The following LRRN2 variants were observed in gnomAD, a reference collection of about 807,000 sequenced individuals.
LRRN2 encodes leucine-rich repeat neuronal protein 2.
Under a neutral mutation model 35.7 loss-of-function variants are expected in LRRN2, and 10 were observed. The ratio of observed to expected loss-of-function variants is 0.28; its 90% confidence interval spans 0.17 to 0.47. LRRN2 has a LOEUF of 0.47. LRRN2 is among the 20% of genes least tolerant of loss of function. The pLI is 0.99. For missense variants in LRRN2, 731 were observed against 940.3 expected, an observed-to-expected ratio of 0.78 and a Z score of 2.91; for synonymous variants, 391 against 409.6, an observed-to-expected ratio of 0.95 and a Z score of 0.55.
chr1:204,666,381 T>G (rs1312830370), intron 1 of LRRN2, among the ~76,000 whole-genome samples: 2 of 152,258 alleles, frequency 1.3e-5, no homozygotes, highest in African/African-American at 4.8e-5. Context: ...TGCTAGGTGC[T>G]AAGTGAAGAG....
At chr1:204,674,107 C>G (rs1668770185) in intron 1 of LRRN2, among the ~76,000 whole-genome samples, 1 of 152,164 alleles carries the variant, frequency 6.6e-6, no homozygotes, top group African/African-American at 2.4e-5. Flanking sequence ...TCTGTCTGTC[C>G]ATCTGTCTCC....
chr1:204,625,940 G>A (rs775928687), intron 1 of LRRN2, among the ~76,000 whole-genome samples: 2 of 152,172 alleles, frequency 1.3e-5, no homozygotes, highest in Non-Finnish European at 2.9e-5. Context: ...TCATGGCCTG[G>A]GCCTGGGAGT....
intron 1 of LRRN2, among the ~76,000 whole-genome samples, chr1:204,658,725 A>G (rs1177601499): frequency 1.3e-5 from 2 of 152,078 alleles, no homozygotes; most frequent in Non-Finnish European, 2.9e-5. Flanking sequence ...CCTCTTTGGG[A>G]GCCTCTGGGT....
chr1:204,672,416 G>A (rs912036072), intron 1 of LRRN2, among the ~76,000 whole-genome samples: 1 of 152,182 alleles, frequency 6.6e-6, no homozygotes, highest in Non-Finnish European at 1.5e-5. Context: ...GGTGTGCTGA[G>A]ATCATGACCC....
chr1:204,645,982 TG>T (rs1378781837), intron 1 of LRRN2, among the ~76,000 whole-genome samples: 1 of 152,204 alleles, frequency 6.6e-6, no homozygotes, highest in Non-Finnish European at 1.5e-5. Context: ...CATATCACTA[TG>T]TTAGCACAGT....
intron 1 of LRRN2, among the ~76,000 whole-genome samples, chr1:204,630,439 A>G (rs1667659213): frequency 6.6e-6 from 1 of 152,174 alleles, no homozygotes; most frequent in East Asian, 1.9e-4. Flanking sequence ...AAAGGAAAAT[A>G]AAATCAGAAT....
At chr1:204,683,467 G>A (rs1461690088) in intron 1 of LRRN2, among the ~76,000 whole-genome samples, 2 of 151,946 alleles carry the variant, frequency 1.3e-5, no homozygotes, top group Non-Finnish European at 1.5e-5. Context: ...AGGAGGATGA[G>A]GGGGAGGAGG....
At chr1:204,630,622 G>A (rs1347030723) in intron 1 of LRRN2, among the ~76,000 whole-genome samples, 1 of 151,984 alleles carries the variant, frequency 6.6e-6, no homozygotes, top group Non-Finnish European at 1.5e-5. Context: ...GCCCGGGTTT[G>A]TCTTTCCTCC....
At chr1:204,631,997 G>A (rs1667716655) in intron 1 of LRRN2, among the ~76,000 whole-genome samples, 1 of 152,208 alleles carries the variant, frequency 6.6e-6, no homozygotes, top group South Asian at 2.1e-4. Context: ...GCCAAGGGAG[G>A]CTCATTTGAG....
chr1:204,683,426 AGAG>A (rs1668996261), intron 1 of LRRN2, among the ~76,000 whole-genome samples: 2 of 151,762 alleles, frequency 1.3e-5, no homozygotes, highest in South Asian at 4.2e-4. Context: ...GAAGAGTGTT[AGAG>A]GAGGAAAGTG....
In LRRN2 at chr1:204,631,155, T is replaced by G. The variant is rs1667680622; in HGVS notation, c.-226-10937A>C. Among the ~76,000 whole-genome samples, 3 of 149,382 alleles carry G rather than the reference T, an allele frequency of 2.0e-5. No individual in the cohort carries two copies. The South Asian group carries it at 6.4e-4, about 32-fold the overall frequency. On this transcript the variant is annotated intron_variant, in intron 1 of 1. Coordinates refer to ENST00000367177, the MANE Select transcript of LRRN2 (RefSeq NM_201630.2). ...GAACAAGCTCTGCAGGTGGTTCTGA[T>G]GCATGCTGAAGTTTGAGGATTGCTG... is the stretch of plus-strand genomic sequence containing the variant.
chr1:204,619,076 A>G lies in LRRN2; in HGVS notation c.917T>C (p.Leu306Pro). 1 of 1,606,662 alleles carries G rather than the reference A, an allele frequency of 6.2e-7. No individual in the cohort carries two copies. Among genetic ancestry groups the G allele is most frequent in the Non-Finnish European group, 8.5e-7 (1 of 1,175,304 alleles). Residue 306 changes from leucine to proline, a missense_variant, in exon 2 of 2, where the codon CTG becomes CCG. Physicochemically the swap from Leu to Pro is moderately conservative, Grantham distance 98. Around this residue, in one of 3 missense-constraint regions of LRRN2, gnomAD observed 256 missense variants for 392.4 expected, o/e 0.65. Transcript: ENST00000367177. ...EELVSIDKFALVNLPELTKLD... is the reference protein window; with the variant it reads ...EELVSIDKFAPVNLPELTKLD... ...CTTGGTCAGCTCGGGGAGGTTCACC[A>G]GGGCAAACTTGTCGATGGAGACCAG...
intron 1 of LRRN2, among the ~76,000 whole-genome samples, chr1:204,646,392 G>A (rs935327068): frequency 3.9e-5 from 6 of 152,138 alleles, no homozygotes; most frequent in Admixed American, 6.5e-5. Context: ...ACTCTTGTTT[G>A]AGTTGAAATT....
chr1:204,643,191 C>A (rs1029649009), intron 1 of LRRN2, among the ~76,000 whole-genome samples: 6 of 152,152 alleles, frequency 3.9e-5, no homozygotes, highest in African/African-American at 1.4e-4. Context: ...GAGAAGGGGT[C>A]AGAAAAGGAG....
chr1:204,680,746 G>A (rs1238708082), intron 1 of LRRN2, among the ~76,000 whole-genome samples: 6 of 147,764 alleles, frequency 4.1e-5, no homozygotes, highest in African/African-American at 1.6e-4. Flanking sequence ...TGAGAGGGAC[G>A]TGTCAGCGGT....
At chr1:204,633,354 A>C (rs1276545228) in intron 1 of LRRN2, 1 of 152,324 alleles carries the variant, frequency 6.6e-6, no homozygotes, top group East Asian at 1.9e-4. Flanking sequence ...AGCCCTCTGA[A>C]GTCAAAGGGG....
intron 1 of LRRN2, among the ~76,000 whole-genome samples, chr1:204,630,347 C>A (rs965973489): frequency 6.6e-6 from 1 of 152,046 alleles, no homozygotes. Context: ...GGGCTGGGCT[C>A]TGGCGGCTGA....
intron 1 of LRRN2, among the ~76,000 whole-genome samples, chr1:204,674,467 G>T (rs945714457): frequency 6.6e-6 from 1 of 152,214 alleles, no homozygotes; most frequent in Non-Finnish European, 1.5e-5. Context: ...GGTGGCTCAG[G>T]TGTGTTTCAG....
At chr1:204,682,626 G>A (rs1190844407) in intron 1 of LRRN2, among the ~76,000 whole-genome samples, 1 of 152,210 alleles carries the variant, frequency 6.6e-6, no homozygotes, top group Non-Finnish European at 1.5e-5. Context: ...AATAACTTTT[G>A]TAATGTTCCT....
Sources: gnomAD v4.1 joint callset for allele counts (sites outside exome capture counted in the v4.1 genomes callset) on GRCh38, gnomAD v4.1.1 for gene constraint, gnomAD v4.1.1 regional missense constraint, MANE v1.5 for transcripts, NCBI Gene and HGNC (gene_info 2026-07-23, HGNC 2026-07-21) for gene names.